GPC6: variants seen among roughly 807,000 people sequenced by gnomAD.
The protein encoded by GPC6 is glypican 6.
In GPC6, 14 loss-of-function variants were observed where a neutral mutation model predicts 55.2. That is an observed-to-expected ratio of 0.25 (90% confidence interval 0.17 to 0.40). The LOEUF (loss-of-function observed/expected upper bound fraction) is 0.40. Among genes scored for constraint, GPC6 ranks in the 10% least tolerant of loss-of-function variants. The pLI is 1.00. For missense variants in GPC6, 641 were observed against 708.5 expected, an observed-to-expected ratio of 0.90 and a Z score of 1.08; for synonymous variants, 278 against 259.6, an observed-to-expected ratio of 1.07 and a Z score of -0.68.
At chr13:94,340,781 A>G (rs999820978) in intron 6 of GPC6, among the ~76,000 whole-genome samples, 2 of 152,270 alleles carry the variant, frequency 1.3e-5, no homozygotes, top group Non-Finnish European at 2.9e-5. Context: ...TTTCGTTTAC[A>G]ATGAAAAATG....
chr13:93,932,219 T>G (rs1001548122), intron 3 of GPC6, among the ~76,000 whole-genome samples: 3 of 152,222 alleles, frequency 2.0e-5, no homozygotes, highest in East Asian at 3.8e-4. Flanking sequence ...GTTACTTAGA[T>G]TTTTTTCAAA....
At chr13:93,726,103 TACACACACACACAC>T (rs71811304) in intron 2 of GPC6, among the ~76,000 whole-genome samples, 2,746 of 126,846 alleles carry the variant, frequency 0.022, 55 homozygotes, top group Middle Eastern at 0.038. Flanking sequence ...TTTTCCTTCA[TACACACACACACAC>T]ACACACACAC....
At chr13:93,543,150 G>C (rs1882396687) in intron 1 of GPC6, among the ~76,000 whole-genome samples, 1 of 152,094 alleles carries the variant, frequency 6.6e-6, no homozygotes, top group Non-Finnish European at 1.5e-5. Context: ...ATATGATATT[G>C]GCTGTGGGTT....
intron 1 of GPC6, among the ~76,000 whole-genome samples, chr13:93,399,275 G>T (rs936351666): frequency 1.3e-5 from 2 of 152,192 alleles, no homozygotes; most frequent in Non-Finnish European, 2.9e-5. Flanking sequence ...TACACCTATT[G>T]CAATTTGTAA....
chr13:94,311,416 G>T (rs758525956), intron 6 of GPC6, among the ~76,000 whole-genome samples: 1 of 152,062 alleles, frequency 6.6e-6, no homozygotes, highest in Non-Finnish European at 1.5e-5. Flanking sequence ...TGATCCATCC[G>T]TCTGGGCCTC....
chr13:94,310,197 T>C (rs1876172272), intron 6 of GPC6, among the ~76,000 whole-genome samples: 1 of 152,184 alleles, frequency 6.6e-6, no homozygotes, highest in Non-Finnish European at 1.5e-5. Context: ...GGAGTGTCAG[T>C]TACTTTATTC....
chr13:93,973,498 A>T (rs913951534), intron 3 of GPC6, among the ~76,000 whole-genome samples: 3 of 151,980 alleles, frequency 2.0e-5, no homozygotes, highest in Admixed American at 2.0e-4. Flanking sequence ...ACAGTTAATT[A>T]AGCCAAAAAA....
chr13:93,883,508 A>C (rs1875126108), intron 3 of GPC6, among the ~76,000 whole-genome samples: 1 of 152,140 alleles, frequency 6.6e-6, no homozygotes, highest in East Asian at 2.0e-4. Context: ...GTCAAGACTA[A>C]GGTGGTATCA....
At chr13:93,389,553 T>C in intron 1 of GPC6, among the ~76,000 whole-genome samples, 1 of 148,340 alleles carries the variant, frequency 6.7e-6, no homozygotes, top group Non-Finnish European at 1.5e-5. Context: ...TATATGTAAA[T>C]GGTACCATTT....
intron 2 of GPC6, among the ~76,000 whole-genome samples, chr13:93,768,266 C>T (rs943605087): frequency 6.6e-6 from 1 of 152,124 alleles, no homozygotes; most frequent in Non-Finnish European, 1.5e-5. Flanking sequence ...TAATTATTGC[C>T]AACCTGTAGA....
chr13:94,086,072 T>G (rs1421377248), intron 4 of GPC6, among the ~76,000 whole-genome samples: 2 of 152,236 alleles, frequency 1.3e-5, no homozygotes, highest in Non-Finnish European at 2.9e-5. Context: ...TATTCTTTTT[T>G]TGTTTCTAGG....
intron 4 of GPC6, among the ~76,000 whole-genome samples, chr13:94,155,376 C>T (rs112531704): frequency 0.021 from 3,270 of 152,258 alleles, 126 homozygotes; most frequent in African/African-American, 0.075. Flanking sequence ...GCAGGTTTTA[C>T]CATGTAAATA....
At chr13:93,488,577 C>G (rs970104719) in intron 1 of GPC6, among the ~76,000 whole-genome samples, 28 of 152,244 alleles carry the variant, frequency 1.8e-4, no homozygotes, top group African/African-American at 6.3e-4. Flanking sequence ...CTAGTTTACA[C>G]TCCCACCAAC....
chr13:93,595,366 G>A (rs1429903041), intron 2 of GPC6, among the ~76,000 whole-genome samples: 3 of 152,172 alleles, frequency 2.0e-5, no homozygotes, highest in Admixed American at 2.0e-4. Flanking sequence ...TAAGATGCAA[G>A]TTTTATCGCT....
chr13:94,156,426 A>G (rs1887942250), intron 4 of GPC6, among the ~76,000 whole-genome samples: 1 of 152,186 alleles, frequency 6.6e-6, no homozygotes, highest in Non-Finnish European at 1.5e-5. Context: ...TAATATAGAT[A>G]TAGACATAGA....
intron 1 of GPC6, among the ~76,000 whole-genome samples, chr13:93,447,754 C>T (rs894386514): frequency 6.6e-6 from 1 of 152,144 alleles, no homozygotes; most frequent in African/African-American, 2.4e-5. Context: ...ATACATTTCT[C>T]TGTACAATTT....
chr13:94,034,931 TATATA>T (rs1883281591), intron 4 of GPC6, among the ~76,000 whole-genome samples: 3 of 150,026 alleles, frequency 2.0e-5, no homozygotes, highest in African/African-American at 7.3e-5. Flanking sequence ...TATTAAAATA[TATATA>T]ATATGATAGG....
At chr13:93,477,201 A>G (rs1879331875) in intron 1 of GPC6, among the ~76,000 whole-genome samples, 1 of 152,156 alleles carries the variant, frequency 6.6e-6, no homozygotes, top group Non-Finnish European at 1.5e-5. Flanking sequence ...GTGATATTTT[A>G]GAGTATCCCA....
At chr13:93,311,151 C>T (rs186786558) in intron 1 of GPC6, among the ~76,000 whole-genome samples, 1 of 152,158 alleles carries the variant, frequency 6.6e-6, no homozygotes, top group Non-Finnish European at 1.5e-5. Flanking sequence ...TAGGGCAATG[C>T]CAGCTGGGAC....
Sources: gnomAD v4.1 joint callset for allele counts (sites outside exome capture counted in the v4.1 genomes callset) on GRCh38, gnomAD v4.1.1 for gene constraint, MANE v1.5 for transcripts, NCBI Gene and HGNC (gene_info 2026-07-23, HGNC 2026-07-21) for gene names.